Variants in KAZN observed in about 807,000 individuals in gnomAD.
The protein encoded by KAZN is kazrin, periplakin interacting protein, also known as kazrin.
Under a neutral mutation model 87.4 loss-of-function variants are expected in KAZN, and 40 were observed. The ratio of observed to expected loss-of-function variants is 0.46; its 90% CI spans 0.36 to 0.60. The LOEUF (loss-of-function observed/expected upper bound fraction) is 0.60. KAZN is among the 20% of genes least tolerant of loss of function. The probability of loss-of-function intolerance (pLI) is 0.00; values close to 1 mark genes in which losing one functional copy is unlikely to be tolerated. For missense variants in KAZN, 898 were observed against 1,073.9 expected (o/e 0.84, Z 2.29); for synonymous variants, 466 against 458.3 (o/e 1.02, Z -0.22).
chr1:13,995,587 T>A (rs747182790), intron 1 of KAZN, among the ~76,000 whole-genome samples: 5 of 152,010 alleles, frequency 3.3e-5, no homozygotes, highest in Admixed American at 6.5e-5. Context: ...TTGTGAAAAA[T>A]TTCATTTTTT....
At chr1:14,319,044 T>A (rs1465829149) in intron 2 of KAZN, among the ~76,000 whole-genome samples, 4 of 136,082 alleles carry the variant, frequency 2.9e-5, no homozygotes, top group African/African-American at 1.0e-4. Context: ...ATTTATTTAT[T>A]TATTTATTTA....
intron 2 of KAZN, among the ~76,000 whole-genome samples, chr1:14,977,427 GC>G (rs1665761196): frequency 6.6e-6 from 1 of 152,216 alleles, no homozygotes; most frequent in South Asian, 2.1e-4. Context: ...AGGTCAACGT[GC>G]CCCGACCCTG....
chr1:14,602,917 T>C (rs1469592335), intron 1 of KAZN, among the ~76,000 whole-genome samples: 1 of 152,226 alleles, frequency 6.6e-6, no homozygotes, highest in Non-Finnish European at 1.5e-5. Flanking sequence ...GCCTACTGCA[T>C]TTGTTAGAAG....
chr1:14,125,804 C>T (rs1005028013), intron 1 of KAZN, among the ~76,000 whole-genome samples: 1 of 152,114 alleles, frequency 6.6e-6, no homozygotes, highest in Admixed American at 6.5e-5. Flanking sequence ...AAGATCAGGG[C>T]AGGTTCCAGG....
At chr1:14,045,765 G>A (rs2101428634) in intron 1 of KAZN, among the ~76,000 whole-genome samples, 1 of 152,272 alleles carries the variant, frequency 6.6e-6, no homozygotes, top group South Asian at 2.1e-4. Flanking sequence ...TAATAGTAGG[G>A]TTGTCATTGG....
rs562651479 is a variant in KAZN, at chr1:14,929,871, A to T, written c.227-30813A>T. On this transcript the variant is annotated intron_variant, in intron 1 of 14. Coordinates refer to ENST00000376030, the MANE Select transcript of KAZN (RefSeq NM_201628.3). ...TGTCTCCCTTGTGGCGGCTTCTATG[A>T]AGGTGGGGACTCCAGGCTTTCTCTC... 4.1e-6 allele frequency: 4 copies of T among 985,408 alleles called. No homozygotes were observed. In the East Asian group the frequency reaches 4.5e-4, roughly 112 times the overall value. 61.0% of individuals were successfully genotyped at this position (985,408 alleles called of 1,614,324 possible).
intron 1 of KAZN, among the ~76,000 whole-genome samples, chr1:13,968,490 C>T (rs528685137): frequency 6.6e-6 from 1 of 152,286 alleles, no homozygotes; most frequent in South Asian, 2.1e-4. Context: ...TCTGCTGTTG[C>T]CCTCTTACTC....
intron 2 of KAZN, among the ~76,000 whole-genome samples, chr1:14,362,460 C>A (rs1231057918): frequency 1.3e-5 from 2 of 152,154 alleles, no homozygotes; most frequent in Non-Finnish European, 2.9e-5. Context: ...CATTTCAACA[C>A]CTTCACTATA....
intron 1 of KAZN, among the ~76,000 whole-genome samples, chr1:14,020,122 A>T (rs1411914272): frequency 6.6e-6 from 1 of 151,964 alleles, no homozygotes; most frequent in Non-Finnish European, 1.5e-5. Context: ...CACAATTCAC[A>T]GTAGGATTTG....
chr1:14,144,108 G>A (rs970585145), intron 1 of KAZN, among the ~76,000 whole-genome samples: 2 of 152,118 alleles, frequency 1.3e-5, no homozygotes, highest in Non-Finnish European at 2.9e-5. Context: ...GCACATCAGG[G>A]AATCTCTTGT....
chr1:14,288,531 T>C (rs952968285), intron 2 of KAZN, among the ~76,000 whole-genome samples: 4 of 152,218 alleles, frequency 2.6e-5, no homozygotes, highest in Non-Finnish European at 1.5e-5. Context: ...GATATCCCCT[T>C]TGTCATTTTT....
chr1:14,662,944 A>AATATAT (rs3085966), intron 1 of KAZN, among the ~76,000 whole-genome samples: 27,343 of 142,676 alleles, frequency 0.19, 2,795 homozygotes, highest in South Asian at 0.28. Flanking sequence ...TATATATGTA[A>AATATAT]ATATATATAT....
intron 2 of KAZN, among the ~76,000 whole-genome samples, chr1:14,365,351 AC>A (rs1659890926): frequency 1.1e-5 from 1 of 94,938 alleles, no homozygotes; most frequent in Admixed American, 1.3e-4. Context: ...CCCGGCGCCC[AC>A]CCCCTCCCCC....
intron 1 of KAZN, among the ~76,000 whole-genome samples, chr1:14,139,662 G>T (rs1645189236): frequency 6.6e-6 from 1 of 152,166 alleles, no homozygotes; most frequent in Non-Finnish European, 1.5e-5. Context: ...CAGTGGCCAG[G>T]GCTGATTGAT....
At chr1:14,328,851 TTAGA>T (rs1048351369) in intron 2 of KAZN, among the ~76,000 whole-genome samples, 3 of 151,466 alleles carry the variant, frequency 2.0e-5, no homozygotes, top group African/African-American at 7.3e-5. Context: ...CTGTACCTCC[TTAGA>T]TAGTACATTG....
intron 1 of KAZN, among the ~76,000 whole-genome samples, chr1:14,109,820 A>ACT (rs1358568092): frequency 1.6e-4 from 13 of 82,404 alleles, no homozygotes; most frequent in East Asian, 1.6e-3. Context: ...AAACGATTTC[A>ACT]GCGTCAAGTA....
chr1:14,064,714 G>A (rs1205642275), intron 1 of KAZN, among the ~76,000 whole-genome samples: 2 of 152,234 alleles, frequency 1.3e-5, no homozygotes, highest in Non-Finnish European at 2.9e-5. Flanking sequence ...GGCCCTGCCT[G>A]GCAAACATGG....
chr1:14,399,258 C>A (rs2101125203), intron 2 of KAZN, among the ~76,000 whole-genome samples: 1 of 152,174 alleles, frequency 6.6e-6, no homozygotes, highest in East Asian at 1.9e-4. Context: ...GTCAAGTGAT[C>A]CTCCCGCCTC....
intron 1 of KAZN, among the ~76,000 whole-genome samples, chr1:14,759,360 T>C (rs1557460482): frequency 6.6e-6 from 1 of 152,158 alleles, no homozygotes; most frequent in Non-Finnish European, 1.5e-5. Context: ...GTTGTTTGAT[T>C]TATTACTGTT....
Sources: allele counts gnomAD v4.1 joint callset (sites outside exome capture counted in the v4.1 genomes callset), GRCh38; gene constraint gnomAD v4.1.1; transcripts MANE v1.5; gene names NCBI Gene and HGNC (gene_info 2026-07-23, HGNC 2026-07-21).